ADAMTS19: variants seen among roughly 807,000 people sequenced by gnomAD.
The protein encoded by ADAMTS19 is A disintegrin and metalloproteinase with thrombospondin motifs 19.
ADAMTS19 carries 93 observed loss-of-function variants against 153.3 expected under a neutral mutation model. That is an observed-to-expected ratio of 0.61 (90% confidence interval 0.51 to 0.72). The LOEUF (loss-of-function observed/expected upper bound fraction) is 0.72, where lower values mean the gene tolerates loss of function less well. Among genes scored for constraint, ADAMTS19 ranks in the 30% least tolerant of loss-of-function variants. The pLI, the probability that ADAMTS19 is intolerant of heterozygous loss-of-function variation, is 0.00. For missense variants in ADAMTS19, 1,482 were observed against 1,552.1 expected (o/e 0.95, Z 0.76); for synonymous variants, 600 against 556.6 (o/e 1.08, Z -1.10).
chr5:129,522,312 T>TACACACACACACACAC (rs1301413340), intron 3 of ADAMTS19, among the ~76,000 whole-genome samples: 1 of 95,300 alleles, frequency 1.0e-5, no homozygotes, highest in African/African-American at 5.8e-5. Context: ...TATATATATA[T>TACACACACACACACAC]ATATACACAC....
At chr5:129,663,195 C>T (rs1005084867) in intron 15 of ADAMTS19, among the ~76,000 whole-genome samples, 10 of 152,054 alleles carry the variant, frequency 6.6e-5, no homozygotes, top group African/African-American at 2.4e-4. Flanking sequence ...CGCCCGGCCC[C>T]ATTCCTTTAT....
At chr5:129,476,594 A>G (rs1201013017) in intron 2 of ADAMTS19, among the ~76,000 whole-genome samples, 3 of 152,214 alleles carry the variant, frequency 2.0e-5, no homozygotes, top group African/African-American at 7.2e-5. Context: ...GTTAAACAGA[A>G]CCAAGGATAT....
chr5:129,590,437 A>G (rs1750067045), intron 7 of ADAMTS19, among the ~76,000 whole-genome samples: 1 of 152,284 alleles, frequency 6.6e-6, no homozygotes. Context: ...ATATCCATAC[A>G]ATATTCTATC....
chr5:129,499,583 T>G (rs1283424641), intron 2 of ADAMTS19, among the ~76,000 whole-genome samples: 1 of 152,108 alleles, frequency 6.6e-6, no homozygotes, highest in Non-Finnish European at 1.5e-5. Context: ...AGCCATATAT[T>G]TTTCATTTGT....
At chr5:129,605,809 C>A (rs1750865554) in intron 8 of ADAMTS19, among the ~76,000 whole-genome samples, 1 of 152,082 alleles carries the variant, frequency 6.6e-6, no homozygotes, top group Admixed American at 6.6e-5. Context: ...ATACCACTTA[C>A]CCACTGATTG....
chr5:129,524,011 C>G (rs945518337), intron 3 of ADAMTS19, among the ~76,000 whole-genome samples: 4 of 152,034 alleles, frequency 2.6e-5, no homozygotes, highest in Non-Finnish European at 5.9e-5. Flanking sequence ...CAAGACAATC[C>G]TAAGCAAAAA....
chr5:129,737,124 G>A lies in ADAMTS19; in HGVS notation c.3548G>A (p.Arg1183His), dbSNP rs748351241. ...TGGCCAGTGTACTGCCGAGTGATAC[G>A]TGAAAAGAACCTATGTCAGGACATG... ...DQWPVYCRVI[R>H]EKNLCQDMRW... is the part of the protein sequence containing the mutation. Residue 1183 changes from arginine to histidine, a missense_variant, in exon 23 of 23, where the codon CGT (arginine) becomes CAT (histidine). By Grantham distance (29) the Arg-to-His change is conservative (BLOSUM62 0). Coordinates refer to ENST00000274487, the MANE Select transcript of ADAMTS19 (RefSeq NM_133638.6). The A allele has an allele frequency of 3.1e-6, 5 of 1,611,116 alleles. No homozygotes were observed. Among genetic ancestry groups the A allele is most frequent in the Non-Finnish European group, 4.2e-6 (5 of 1,178,092 alleles).
At chr5:129,595,027 T>TA (rs542093618) in intron 7 of ADAMTS19, among the ~76,000 whole-genome samples, 7 of 152,152 alleles carry the variant, frequency 4.6e-5, no homozygotes, top group East Asian at 3.9e-4. Flanking sequence ...TGTAAAGATA[T>TA]AAAAAAAACT....
At chr5:129,715,023 A>G (rs542221705) in intron 21 of ADAMTS19, among the ~76,000 whole-genome samples, 1 of 152,278 alleles carries the variant, frequency 6.6e-6, no homozygotes, top group Admixed American at 6.5e-5. Flanking sequence ...TCCAAGACCT[A>G]CTATTAAGTA....
chr5:129,695,918 G>A (rs555725605), intron 19 of ADAMTS19, among the ~76,000 whole-genome samples: 2 of 152,234 alleles, frequency 1.3e-5, no homozygotes, highest in African/African-American at 4.8e-5. Flanking sequence ...ATTCAGATAG[G>A]CAGATAATGT....
intron 13 of ADAMTS19, among the ~76,000 whole-genome samples, chr5:129,650,774 C>T (rs971158949): frequency 6.6e-6 from 1 of 152,086 alleles, no homozygotes; most frequent in Admixed American, 6.5e-5. Context: ...AACATAAAAA[C>T]TTCCCCTCAA....
At chr5:129,703,780 C>T (rs1756019664) in intron 20 of ADAMTS19, among the ~76,000 whole-genome samples, 1 of 152,116 alleles carries the variant, frequency 6.6e-6, no homozygotes, top group Non-Finnish European at 1.5e-5. Context: ...TTCTCTATTT[C>T]ATCTTTGAAA....
At chr5:129,613,967 C>A (rs1164974655) in intron 8 of ADAMTS19, among the ~76,000 whole-genome samples, 1 of 151,898 alleles carries the variant, frequency 6.6e-6, no homozygotes, top group African/African-American at 2.4e-5. Context: ...ACACATACAC[C>A]CTCTCAAGAC....
intron 16 of ADAMTS19, among the ~76,000 whole-genome samples, chr5:129,668,285 A>G (rs1351694657): frequency 6.6e-6 from 1 of 152,148 alleles, no homozygotes; most frequent in African/African-American, 2.4e-5. Flanking sequence ...AAGATCTTCA[A>G]CTTAATATCT....
At chr5:129,677,762 T>A (rs1754613527) in intron 16 of ADAMTS19, among the ~76,000 whole-genome samples, 1 of 152,132 alleles carries the variant, frequency 6.6e-6, no homozygotes, top group Non-Finnish European at 1.5e-5. Flanking sequence ...AAATTTACCC[T>A]ACACCAGCCC....
intron 7 of ADAMTS19, among the ~76,000 whole-genome samples, chr5:129,565,382 A>C (rs1220613892): frequency 6.6e-6 from 1 of 152,198 alleles, no homozygotes; most frequent in African/African-American, 2.4e-5. Context: ...CTAAATTCTC[A>C]TATCTGAGAG....
chr5:129,711,461 G>T (rs1240591113), intron 21 of ADAMTS19, among the ~76,000 whole-genome samples: 3 of 152,086 alleles, frequency 2.0e-5, no homozygotes, highest in African/African-American at 7.2e-5. Context: ...GGATCACAAG[G>T]TCAGGAGTTC....
At chr5:129,702,595 T>G (rs988873623) in intron 20 of ADAMTS19, among the ~76,000 whole-genome samples, 4 of 152,144 alleles carry the variant, frequency 2.6e-5, no homozygotes, top group Admixed American at 6.5e-5. Flanking sequence ...TTCTTACTAT[T>G]CTAGGTTATA....
intron 7 of ADAMTS19, among the ~76,000 whole-genome samples, chr5:129,564,424 T>A (rs6868019): frequency 0.84 from 127,220 of 152,200 alleles, 53,420 homozygotes; most frequent in Non-Finnish European, 0.88. Context: ...TTGGGGGCTT[T>A]TATATGGGAA....
Sources: gnomAD v4.1 joint callset for allele counts (sites outside exome capture counted in the v4.1 genomes callset) on GRCh38, gnomAD v4.1.1 for gene constraint, MANE v1.5 for transcripts, NCBI Gene and HGNC (gene_info 2026-07-23, HGNC 2026-07-21) for gene names.